The following GFRAL variants were observed in gnomAD, a reference collection of about 807,000 sequenced individuals.
GFRAL encodes the protein GDNF family receptor alpha-like.
Under a neutral mutation model 45.4 loss-of-function variants are expected in GFRAL, and 36 were observed. That is an observed-to-expected ratio of 0.79 (90% CI 0.61 to 1.05). The LOEUF is 1.05. Among genes scored for constraint, GFRAL ranks in the 50% least tolerant of loss-of-function variants. The pLI is 0.00. For missense variants in GFRAL, 507 were observed against 467.5 expected (o/e 1.08, Z -0.78); for synonymous variants, 166 against 154.1 (o/e 1.08, Z -0.57).
At chr6:55,333,258 T>C (rs1165205574) in intron 2 of GFRAL, among the ~76,000 whole-genome samples, 1 of 152,156 alleles carries the variant, frequency 6.6e-6, no homozygotes, top group Admixed American at 6.5e-5. Flanking sequence ...GAGGATTACA[T>C]ATTTTTAAAT....
intron 6 of GFRAL, among the ~76,000 whole-genome samples, chr6:55,385,691 T>G (rs1768672434): frequency 6.6e-6 from 1 of 152,092 alleles, no homozygotes; most frequent in Admixed American, 6.6e-5. Context: ...ATTATAAATG[T>G]TACATTTCAC....
At chr6:55,339,989 AC>A (rs202108055) in intron 3 of GFRAL, among the ~76,000 whole-genome samples, 1,983 of 152,294 alleles carry the variant, frequency 0.013, 21 homozygotes, top group Non-Finnish European at 0.022. Flanking sequence ...GCATACAAAA[AC>A]CTTGCACTCG....
rs1291344859 is a variant in GFRAL, at chr6:55,338,877, TAA to T, written c.316+4935_316+4936del. 2.6e-5 allele frequency among the ~76,000 whole-genome samples: 4 copies of T among 152,176 alleles called. No individual in the cohort carries two copies. In the East Asian group the frequency reaches 7.7e-4, roughly 29 times the overall value. Reference sequence around the variant, plus strand: ...ATATCTTTCTAAAGAGATTAGACTTTAAACCGTTGCTATGAGGAGCTATTACA... The same window carrying T: ...ATATCTTTCTAAAGAGATTAGACTTTACCGTTGCTATGAGGAGCTATTACA... On this transcript the variant is annotated intron_variant, in intron 3 of 8. Coordinates refer to ENST00000340465, the MANE Select transcript of GFRAL (RefSeq NM_207410.2).
intron 6 of GFRAL, among the ~76,000 whole-genome samples, chr6:55,371,117 T>C (rs76458659): frequency 0.029 from 4,407 of 152,312 alleles, 86 homozygotes; most frequent in African/African-American, 0.05. Context: ...AATAAATTTT[T>C]GTTACTTTCA....
At chr6:55,366,173 G>C (rs967368357) in intron 6 of GFRAL, among the ~76,000 whole-genome samples, 4 of 151,766 alleles carry the variant, frequency 2.6e-5, no homozygotes, top group South Asian at 2.1e-4. Flanking sequence ...TCTTGGGAGA[G>C]TGTATGTGTC....
intron 6 of GFRAL, among the ~76,000 whole-genome samples, chr6:55,364,363 G>T (rs62419079): frequency 0.15 from 21,675 of 140,368 alleles, 2,070 homozygotes; most frequent in African/African-American, 0.25. Context: ...AGTAGGTTGC[G>T]AAAATTTTCT....
intron 5 of GFRAL, among the ~76,000 whole-genome samples, chr6:55,358,129 T>C (rs908947167): frequency 6.6e-6 from 1 of 151,888 alleles, no homozygotes; most frequent in African/African-American, 2.4e-5. Flanking sequence ...TTTTTTAACA[T>C]AGCAGCATCC....
intron 6 of GFRAL, among the ~76,000 whole-genome samples, chr6:55,386,230 G>A (rs910513026): frequency 6.6e-6 from 1 of 152,052 alleles, no homozygotes; most frequent in Non-Finnish European, 1.5e-5. Flanking sequence ...AGCTAATAAT[G>A]TGTCCATATT....
chr6:55,331,637 T>C, intron 1 of GFRAL, 78 bp from the exon 2 acceptor site: 7 of 1,354,060 alleles, frequency 5.2e-6, no homozygotes, highest in Non-Finnish European at 7.1e-6. Context: ...TTCTGCTCTT[T>C]ATCATTAATA....
intron 6 of GFRAL, among the ~76,000 whole-genome samples, chr6:55,365,155 A>T (rs1212728856): frequency 6.6e-6 from 1 of 151,184 alleles, no homozygotes; most frequent in African/African-American, 2.5e-5. Context: ...GGTCCTTCAC[A>T]TCCCTTGTAA....
intron 6 of GFRAL, among the ~76,000 whole-genome samples, chr6:55,387,439 A>G (rs1182637481): frequency 6.6e-6 from 1 of 152,206 alleles, no homozygotes; most frequent in South Asian, 2.1e-4. Flanking sequence ...TATTATGAGC[A>G]TGTGTATTCT....
intron 5 of GFRAL, among the ~76,000 whole-genome samples, chr6:55,352,572 A>G (rs1365836061): frequency 2.0e-5 from 3 of 152,098 alleles, no homozygotes; most frequent in Non-Finnish European, 4.4e-5. Flanking sequence ...GAGGACCGAT[A>G]GTGGAAGAGT....
chr6:55,393,713 A>G (rs1252005403), intron 6 of GFRAL, among the ~76,000 whole-genome samples: 1 of 152,196 alleles, frequency 6.6e-6, no homozygotes, highest in Non-Finnish European at 1.5e-5. Flanking sequence ...TGAAATGGGC[A>G]AAGACGAGAT....
chr6:55,363,008 GAAC>G (rs1275781428), intron 6 of GFRAL, among the ~76,000 whole-genome samples: 1 of 150,828 alleles, frequency 6.6e-6, no homozygotes, highest in African/African-American at 2.4e-5. Flanking sequence ...AGGAGGAAAA[GAAC>G]AAGGAGAAGA....
intron 6 of GFRAL, among the ~76,000 whole-genome samples, chr6:55,388,093 C>T (rs1768702669): frequency 6.6e-6 from 1 of 152,158 alleles, no homozygotes; most frequent in African/African-American, 2.4e-5. Flanking sequence ...TTGGTTGCTG[C>T]TGAAGCTAGA....
chr6:55,332,474 T>C (rs1218397387), intron 2 of GFRAL, among the ~76,000 whole-genome samples: 5 of 151,928 alleles, frequency 3.3e-5, no homozygotes, highest in Non-Finnish European at 2.9e-5. Flanking sequence ...GGCTGGAGTG[T>C]AGCTGCGTGA....
chr6:55,368,695 C>T (rs964074676), intron 6 of GFRAL, among the ~76,000 whole-genome samples: 7 of 152,162 alleles, frequency 4.6e-5, no homozygotes, highest in African/African-American at 7.2e-5. Flanking sequence ...GTTGGAGTAC[C>T]CTGCCCTGTG....
intron 3 of GFRAL, among the ~76,000 whole-genome samples, chr6:55,342,912 G>T (rs1321171088): frequency 6.6e-6 from 1 of 152,064 alleles, no homozygotes; most frequent in Non-Finnish European, 1.5e-5. Flanking sequence ...AAACAACAAA[G>T]ATCAAAAGAG....
intron 6 of GFRAL, among the ~76,000 whole-genome samples, chr6:55,390,927 CACACACAA>C (rs796263928): frequency 2.0e-5 from 3 of 150,746 alleles, no homozygotes; most frequent in African/African-American, 7.4e-5. Flanking sequence ...CACACACACA[CACACACAA>C]GTAGTGGTCT....
Sources: gnomAD v4.1 joint callset for allele counts (sites outside exome capture counted in the v4.1 genomes callset) on GRCh38, gnomAD v4.1.1 for gene constraint, MANE v1.5 for transcripts, NCBI Gene and HGNC (gene_info 2026-07-23, HGNC 2026-07-21) for gene names.